PRMT3: variants seen among roughly 807,000 people sequenced by gnomAD.
PRMT3 encodes protein arginine N-methyltransferase 3.
PRMT3 carries 62 observed loss-of-function variants against 71.9 expected under a neutral mutation model. The observed-to-expected ratio is 0.86, with a 90% CI of 0.70 to 1.07. The LOEUF (loss-of-function observed/expected upper bound fraction) is 1.07, where lower values mean the gene tolerates loss of function less well. PRMT3 is among the 50% of genes least tolerant of loss of function. PRMT3 has a pLI of 0.00. For synonymous variants in PRMT3, 213 were observed against 220.4 expected (o/e 0.97, Z 0.30); for missense variants, 663 against 643.0 (o/e 1.03, Z -0.34).
chr11:20,395,994 T>C, intron 6 of PRMT3, 32 bp downstream of exon 6: 2 of 1,606,214 alleles, frequency 1.2e-6, no homozygotes, highest in African/African-American at 1.3e-5. Context: ...ATTAATTGTT[T>C]TAGATCTCCA....
At chr11:20,504,743 A>AGAGAGAGAGAGAGC (rs1565243530) in intron 15 of PRMT3, among the ~76,000 whole-genome samples, 3 of 145,596 alleles carry the variant, frequency 2.1e-5, no homozygotes, top group African/African-American at 7.6e-5. Context: ...AGAGAGAGAG[A>AGAGAGAGAGAGAGC]GAGCGAGAGC....
chr11:20,495,746 T>G (rs1400969464), intron 15 of PRMT3, among the ~76,000 whole-genome samples: 1 of 152,316 alleles, frequency 6.6e-6, no homozygotes, highest in Admixed American at 6.5e-5. Flanking sequence ...TTAAACTGCT[T>G]ACTACATATA....
chr11:20,486,543 C>G (rs546364410), intron 13 of PRMT3, among the ~76,000 whole-genome samples: 43 of 152,072 alleles, frequency 2.8e-4, no homozygotes, highest in Non-Finnish European at 5.7e-4. Flanking sequence ...TCTCAGCACC[C>G]TAGTAGTCCC....
intron 15 of PRMT3, among the ~76,000 whole-genome samples, chr11:20,505,067 A>G (rs1037395306): frequency 1.3e-5 from 2 of 152,186 alleles, no homozygotes; most frequent in African/African-American, 2.4e-5. Context: ...TTGTAGTATT[A>G]TATAAATTCT....
chr11:20,434,785 C>T (rs187349348), intron 10 of PRMT3, among the ~76,000 whole-genome samples: 4 of 152,134 alleles, frequency 2.6e-5, no homozygotes, highest in Non-Finnish European at 5.9e-5. Flanking sequence ...ATTACTGTAG[C>T]CCTGTGGTAT....
rs746497025 is a variant in PRMT3, at chr11:20,395,872, C to A, written c.470C>A (p.Ser157Tyr). ...CCCAATGGACTCAGTGAAAATACAT[C>A]TGTTGTTGAAAAATTGAAACATATG... ...SYPNGLSENT[S>Y]VVEKLKHMEA... The change falls in exon 6 of 16, where the codon TCT (serine) becomes TAT (tyrosine). Residue 157 changes from serine to tyrosine, a missense_variant. Transcript: ENST00000331079. The A allele has an allele frequency of 3.1e-6, 5 of 1,613,968 alleles. No individual in the cohort carries two copies. The African/African-American group carries it at 5.3e-5, about 17-fold the overall frequency.
chr11:20,397,653 C>T lies in PRMT3; in HGVS notation c.637C>T (p.Gln213Ter). 6.2e-7 allele frequency: 1 copy of T among 1,614,094 alleles called. No individual in the cohort carries two copies. The highest frequency in any genetic ancestry group is 8.5e-7 in the Non-Finnish European group (1 of 1,180,016). The change falls in exon 7 of 16, where the codon CAG becomes TAG. Residue 213 changes from glutamine (Q) to a stop codon, truncating the protein, a stop_gained. Transcript: ENST00000331079. LOFTEE classifies it high-confidence loss of function. ...SSSTSVIADL[Q>*]EDEDGVYFSS... The stretch of plus-strand genomic sequence containing the variant: ...ATCTACTAGTGTCATTGCGGACCTC[C>T]AGGAGGATGAGGATGGTGTTTATTT...
intron 15 of PRMT3, among the ~76,000 whole-genome samples, chr11:20,503,905 A>AT (rs929265742): frequency 6.6e-6 from 1 of 152,162 alleles, no homozygotes; most frequent in Non-Finnish European, 1.5e-5. Context: ...AAACTGGCAA[A>AT]TTTTTTAAAA....
At chr11:20,470,394 CCTCT>C (rs1338544233) in intron 13 of PRMT3, among the ~76,000 whole-genome samples, 2 of 152,120 alleles carry the variant, frequency 1.3e-5, no homozygotes, top group Admixed American at 6.6e-5. Flanking sequence ...CAACCTCCTC[CCTCT>C]AACAGGCCCC....
chr11:20,501,281 C>G (rs2133702250), intron 15 of PRMT3, among the ~76,000 whole-genome samples: 1 of 152,150 alleles, frequency 6.6e-6, no homozygotes, highest in Non-Finnish European at 1.5e-5. Flanking sequence ...CTCCCTCATT[C>G]CTTCTTGATG....
Position 20,461,334 on chromosome 11 carries a change from G to A in PRMT3, c.1073-646G>A, listed in dbSNP as rs529939906. ...TCTGAATTAGCTGGTTTTGCCATGA[G>A]CTCCCTTAGTACCTTGGATGCTCCT... On this transcript the variant is annotated intron_variant, in intron 11 of 15. Coordinates refer to ENST00000331079, the MANE Select transcript of PRMT3 (RefSeq NM_005788.4). 2.2e-4 allele frequency among the ~76,000 whole-genome samples: 34 copies of A among 152,202 alleles called. No homozygotes were observed. The East Asian group carries it at 3.3e-3, about 15-fold the overall frequency.
At chr11:20,460,700 G>A (rs151044251) in intron 11 of PRMT3, among the ~76,000 whole-genome samples, 9 of 152,174 alleles carry the variant, frequency 5.9e-5, no homozygotes, top group Admixed American at 2.6e-4. Context: ...AGCACTAAAT[G>A]CTCCTGTTCC....
rs940527112 is a variant in PRMT3, at chr11:20,399,458, GTTATT to G, written c.705+1741_705+1745del. ...ATAGATATGTTATTATAAGTAATAC[GTTATT>G]TTAAGTCTCAGTGAATTTGTTGAAA... is the stretch of plus-strand genomic sequence containing the variant. On this transcript the variant is annotated intron_variant, in intron 7 of 15. Transcript: ENST00000331079. Among the ~76,000 whole-genome samples, 59 of 152,138 alleles carry G rather than the reference GTTATT, an allele frequency of 3.9e-4. 1 individual carries two copies. The Middle Eastern group carries it at 0.014, about 35-fold the overall frequency.
chr11:20,424,530 A>G (rs1449649262), intron 9 of PRMT3, among the ~76,000 whole-genome samples: 2 of 152,222 alleles, frequency 1.3e-5, no homozygotes, highest in African/African-American at 2.4e-5. Flanking sequence ...GATATGGGGG[A>G]AAAATGAACA....
At position 20,486,397 on chromosome 11, in the gene PRMT3, T is replaced by A. The variant is rs1430570933; in HGVS notation, c.1348-7522T>A. On this transcript the variant is annotated intron_variant, in intron 13 of 15. Transcript: ENST00000331079. ...AAACTACAGAAACCAAAGAAAAATCTCAAAGTTGGTGGAACTATGGTGCTG... is the reference window on the plus strand; with the variant it reads ...AAACTACAGAAACCAAAGAAAAATCACAAAGTTGGTGGAACTATGGTGCTG... 4.6e-5 allele frequency among the ~76,000 whole-genome samples: 7 copies of A among 152,132 alleles called. No homozygotes were observed. In the East Asian group the frequency reaches 1.4e-3, roughly 29 times the overall value.
At chr11:20,479,911 C>T (rs1414579480) in intron 13 of PRMT3, among the ~76,000 whole-genome samples, 1 of 151,826 alleles carries the variant, frequency 6.6e-6, no homozygotes, top group Non-Finnish European at 1.5e-5. Context: ...TTCCTCAGCC[C>T]CAAGCTAGAA....
chr11:20,441,345 G>T (rs1176297031), intron 10 of PRMT3, among the ~76,000 whole-genome samples: 1 of 149,372 alleles, frequency 6.7e-6, no homozygotes, highest in African/African-American at 2.5e-5. Context: ...TCGCTCTTTC[G>T]CCCAGGCTGG....
chr11:20,504,415 A>T (rs1157241633), intron 15 of PRMT3, among the ~76,000 whole-genome samples: 141 of 152,278 alleles, frequency 9.3e-4, no homozygotes, highest in African/African-American at 3.3e-3. Flanking sequence ...AAATGGCAAG[A>T]TTTACACAAA....
At chr11:20,501,542 C>A (rs557318299) in intron 15 of PRMT3, among the ~76,000 whole-genome samples, 1 of 152,070 alleles carries the variant, frequency 6.6e-6, no homozygotes, top group East Asian at 1.9e-4. Context: ...TATATTGAAA[C>A]TAAAAGTAGC....
Sources: gnomAD v4.1 joint callset for allele counts (sites outside exome capture counted in the v4.1 genomes callset) on GRCh38, gnomAD v4.1.1 for gene constraint, MANE v1.5 for transcripts, NCBI Gene and HGNC (gene_info 2026-07-23, HGNC 2026-07-21) for gene names.